RARB: variants seen among roughly 807,000 people sequenced by gnomAD.
The protein encoded by RARB is retinoic acid receptor beta, also known as HBV-activated protein.
Under a neutral mutation model 51.9 loss-of-function variants are expected in RARB, and 17 were observed. The ratio of observed to expected loss-of-function variants is 0.33; its 90% CI spans 0.22 to 0.49. The LOEUF (loss-of-function observed/expected upper bound fraction) is 0.49. RARB is among the 20% of genes least tolerant of loss of function. RARB has a pLI of 0.99. For synonymous variants in RARB, 215 were observed against 195.4 expected (o/e 1.10, Z -0.84); for missense variants, 369 against 550.8 (o/e 0.67, Z 3.30).
chr3:25,303,026 A>G (rs1013234679), intron 5 of RARB, among the ~76,000 whole-genome samples: 5 of 152,168 alleles, frequency 3.3e-5, no homozygotes, highest in Admixed American at 6.5e-5. Context: ...GACAAGCTCA[A>G]TGCTCTCTTT....
intron 3 of RARB, among the ~76,000 whole-genome samples, chr3:25,557,930 G>A (rs967075858): frequency 2.0e-5 from 3 of 152,102 alleles, no homozygotes; most frequent in African/African-American, 7.2e-5. Flanking sequence ...TTTTCTGCCT[G>A]GAAAGCACTC....
intron 5 of RARB, among the ~76,000 whole-genome samples, chr3:25,335,366 C>A (rs1179825072): frequency 1.3e-5 from 2 of 152,154 alleles, no homozygotes; most frequent in Non-Finnish European, 2.9e-5. Flanking sequence ...AAAATTAATT[C>A]TTGGATAAAA....
intron 5 of RARB, among the ~76,000 whole-genome samples, chr3:25,237,260 G>A (rs1167803592): frequency 1.3e-5 from 2 of 152,038 alleles, no homozygotes; most frequent in African/African-American, 4.8e-5. Flanking sequence ...ATTAAAAGTT[G>A]GTGGCATTTA....
chr3:24,879,715 G>A (rs540300731), intron 2 of RARB, among the ~76,000 whole-genome samples: 3 of 151,972 alleles, frequency 2.0e-5, no homozygotes, highest in Non-Finnish European at 2.9e-5. Flanking sequence ...GGATCACCGT[G>A]GCAGAAGTTA....
chr3:25,264,283 C>A (rs1026537679), intron 5 of RARB, among the ~76,000 whole-genome samples: 3 of 152,058 alleles, frequency 2.0e-5, no homozygotes, highest in African/African-American at 7.2e-5. Flanking sequence ...TACCGTCATC[C>A]CAGTATGCCT....
At chr3:25,244,851 A>G (rs915047386) in intron 5 of RARB, among the ~76,000 whole-genome samples, 3 of 152,186 alleles carry the variant, frequency 2.0e-5, no homozygotes, top group African/African-American at 7.2e-5. Flanking sequence ...AGCTGAGTTC[A>G]AGTCCCAAAT....
chr3:25,345,587 C>T (rs1431213130), intron 5 of RARB, among the ~76,000 whole-genome samples: 1 of 151,216 alleles, frequency 6.6e-6, no homozygotes, highest in Non-Finnish European at 1.5e-5. Flanking sequence ...ATTGCTTGAA[C>T]CCAAGAGGTG....
chr3:24,875,150 C>T (rs1052627454), intron 2 of RARB, among the ~76,000 whole-genome samples: 1 of 151,842 alleles, frequency 6.6e-6, no homozygotes, highest in African/African-American at 2.4e-5. Flanking sequence ...CATACAAGTC[C>T]TTTTGTTTTT....
chr3:24,988,137 G>C (rs879762363), intron 2 of RARB, among the ~76,000 whole-genome samples: 2 of 152,190 alleles, frequency 1.3e-5, no homozygotes, highest in East Asian at 3.9e-4. Context: ...ATCCCATCTT[G>C]GGAGCACTGA....
intron 5 of RARB, among the ~76,000 whole-genome samples, chr3:25,265,186 G>A (rs905768874): frequency 3.3e-5 from 5 of 152,084 alleles, no homozygotes; most frequent in Non-Finnish European, 7.4e-5. Flanking sequence ...TAATAGCTTT[G>A]TATTCTGTGG....
intron 2 of RARB, among the ~76,000 whole-genome samples, chr3:25,047,340 C>G (rs894229594): frequency 2.0e-5 from 3 of 151,804 alleles, no homozygotes; most frequent in Non-Finnish European, 2.9e-5. Flanking sequence ...CCTAAGAGGC[C>G]CTTTTGGAAG....
chr3:25,461,407 C>G, intron 2 of RARB, 66 bp downstream of exon 2: 1 of 1,538,858 alleles, frequency 6.5e-7, no homozygotes, highest in Non-Finnish European at 8.8e-7. Flanking sequence ...AGGTGACCTA[C>G]CCAGTTCCAA....
At chr3:25,218,335 C>T (rs1313202582) in intron 5 of RARB, among the ~76,000 whole-genome samples, 1 of 152,046 alleles carries the variant, frequency 6.6e-6, no homozygotes, top group African/African-American at 2.4e-5. Flanking sequence ...ATATCCGCCC[C>T]CTAGGTTACT....
intron 2 of RARB, among the ~76,000 whole-genome samples, chr3:24,945,028 A>G (rs1417666298): frequency 2.0e-5 from 3 of 152,214 alleles, no homozygotes; most frequent in African/African-American, 7.2e-5. Flanking sequence ...TCCAGTTGGG[A>G]ACATTCACAT....
At chr3:25,595,216 A>AT (rs1375010827) in intron 7 of RARB, among the ~76,000 whole-genome samples, 1 of 152,236 alleles carries the variant, frequency 6.6e-6, no homozygotes, top group Non-Finnish European at 1.5e-5. Context: ...GCCTAGATCC[A>AT]TATCACAGTT....
intron 2 of RARB, among the ~76,000 whole-genome samples, chr3:24,943,247 A>C (rs1288089956): frequency 6.6e-6 from 1 of 152,158 alleles, no homozygotes; most frequent in Non-Finnish European, 1.5e-5. Context: ...ACAAACTTCT[A>C]TTTCCTTTTA....
intron 5 of RARB, among the ~76,000 whole-genome samples, chr3:25,286,711 T>A (rs1026047737): frequency 6.6e-6 from 1 of 152,196 alleles, no homozygotes; most frequent in Non-Finnish European, 1.5e-5. Context: ...ACCTTCCCAT[T>A]TGAACATTTT....
At chr3:25,262,150 C>G (rs1319561029) in intron 5 of RARB, among the ~76,000 whole-genome samples, 1 of 152,184 alleles carries the variant, frequency 6.6e-6, no homozygotes. Context: ...TTAACCATTT[C>G]ATTTCTCAAA....
intron 3 of RARB, among the ~76,000 whole-genome samples, chr3:25,503,836 G>C (rs575028671): frequency 1.3e-5 from 2 of 152,322 alleles, no homozygotes; most frequent in South Asian, 4.1e-4. Flanking sequence ...CTCATAGAAT[G>C]TTAGAAGTGA....
Sources: gnomAD v4.1 joint callset for allele counts (sites outside exome capture counted in the v4.1 genomes callset) on GRCh38, gnomAD v4.1.1 for gene constraint, MANE v1.5 for transcripts, NCBI Gene and HGNC (gene_info 2026-07-23, HGNC 2026-07-21) for gene names.